Variants in ASTN2 observed in about 807,000 individuals in gnomAD.
ASTN2 encodes astrotactin-2.
In ASTN2, 54 loss-of-function variants were observed where a neutral mutation model predicts 139.8. The ratio of observed to expected loss-of-function variants is 0.39; its 90% CI spans 0.31 to 0.48. ASTN2 has a LOEUF of 0.48. ASTN2 is among the 20% of genes least tolerant of loss of function. The pLI is 0.95. For synonymous variants in ASTN2, 756 were observed against 719.5 expected, an observed-to-expected ratio of 1.05 and a Z score of -0.81; for missense variants, 1,565 against 1,725.1, an observed-to-expected ratio of 0.91 and a Z score of 1.64.
At chr9:117,282,300 T>C (rs1029820841) in intron 2 of ASTN2, among the ~76,000 whole-genome samples, 1 of 152,232 alleles carries the variant, frequency 6.6e-6, no homozygotes, top group African/African-American at 2.4e-5. Context: ...ATATTATATA[T>C]ACATAGCTAT....
At position 117,018,436 on chromosome 9, in the gene ASTN2, T is replaced by A. The variant is rs558330801; in HGVS notation, c.1424-10177A>T. On this transcript the variant is annotated intron_variant, in intron 6 of 22. Coordinates refer to ENST00000313400, the MANE Select transcript of ASTN2 (RefSeq NM_001365068.1). ...ACCATATTAGCAATTCTTCCCCAAATCTCTTTCATTACTACACTGTGGGTT... is the reference window on the plus strand; with the variant it reads ...ACCATATTAGCAATTCTTCCCCAAAACTCTTTCATTACTACACTGTGGGTT... Among the ~76,000 whole-genome samples, 48 of 80,300 alleles carry A rather than the reference T, an allele frequency of 6.0e-4. No individual in the cohort carries two copies. The Admixed American group carries it at 7.1e-3, about 12-fold the overall frequency. The allele number at this position is 80,300 out of a possible 152,430, so 52.7% of individuals were successfully genotyped here.
chr9:117,063,066 A>G (rs1329775708), intron 5 of ASTN2, among the ~76,000 whole-genome samples: 1 of 152,204 alleles, frequency 6.6e-6, no homozygotes, highest in Non-Finnish European at 1.5e-5. Context: ...CAGATTAAGG[A>G]CAACTTTTTC....
At chr9:116,787,414 T>A (rs1415831481) in intron 13 of ASTN2, among the ~76,000 whole-genome samples, 7 of 152,228 alleles carry the variant, frequency 4.6e-5, no homozygotes, top group Non-Finnish European at 1.0e-4. Flanking sequence ...ACGTGGGAGC[T>A]ATTTCTTTGA....
intron 19 of ASTN2, among the ~76,000 whole-genome samples, chr9:116,576,319 T>C (rs1307031096): frequency 1.3e-5 from 2 of 152,196 alleles, no homozygotes; most frequent in African/African-American, 2.4e-5. Flanking sequence ...ATCCCTATTA[T>C]ACATGCAAGA....
chr9:117,280,700 G>T (rs930565098), intron 2 of ASTN2, among the ~76,000 whole-genome samples: 1 of 152,154 alleles, frequency 6.6e-6, no homozygotes, highest in Non-Finnish European at 1.5e-5. Flanking sequence ...ATAAATTTCT[G>T]TTGTCTTAAG....
At chr9:116,817,100 C>A (rs1831351417) in intron 12 of ASTN2, among the ~76,000 whole-genome samples, 2 of 152,014 alleles carry the variant, frequency 1.3e-5, no homozygotes, top group South Asian at 2.1e-4. Context: ...CGAGACCATT[C>A]TAGCTAACAC....
chr9:117,110,542 T>C (rs1033995406), intron 4 of ASTN2, among the ~76,000 whole-genome samples: 4 of 152,148 alleles, frequency 2.6e-5, no homozygotes, highest in African/African-American at 9.7e-5. Flanking sequence ...GTTAACAAAA[T>C]GATTAATATC....
intron 19 of ASTN2, chr9:116,540,422 A>G (rs935023621): frequency 2.0e-5 from 3 of 152,174 alleles, no homozygotes; most frequent in African/African-American, 7.2e-5. Context: ...TCACTTCTTA[A>G]TCCTCTCTGA....
At chr9:116,754,112 T>C (rs1829475635) in intron 13 of ASTN2, among the ~76,000 whole-genome samples, 1 of 152,062 alleles carries the variant, frequency 6.6e-6, no homozygotes, top group Non-Finnish European at 1.5e-5. Flanking sequence ...GTTTCCAGCT[T>C]CATCCGTGTC....
intron 3 of ASTN2, among the ~76,000 whole-genome samples, chr9:117,190,620 C>G (rs1195869080): frequency 6.6e-6 from 1 of 152,132 alleles, no homozygotes; most frequent in East Asian, 1.9e-4. Flanking sequence ...GCTACTCCTC[C>G]CTATTCCTCT....
chr9:116,793,001 G>A (rs994862402), intron 13 of ASTN2, among the ~76,000 whole-genome samples: 1 of 151,994 alleles, frequency 6.6e-6, no homozygotes, highest in Non-Finnish European at 1.5e-5. Context: ...TGGGTACTAT[G>A]CTCAGCACAT....
At chr9:116,810,941 T>C in intron 12 of ASTN2, among the ~76,000 whole-genome samples, 1 of 152,296 alleles carries the variant, frequency 6.6e-6, no homozygotes, top group African/African-American at 2.4e-5. Flanking sequence ...TTTCTAACAT[T>C]ATAATGTATT....
intron 4 of ASTN2, among the ~76,000 whole-genome samples, chr9:117,119,986 T>TTGTGTGTGTGTGTGTGTG (rs1321670412): frequency 1.3e-5 from 1 of 79,916 alleles, no homozygotes; most frequent in Admixed American, 1.4e-4. Context: ...CTCTATATAT[T>TTGTGTGTGTGTGTGTGTG]TGTATGTGTG....
intron 3 of ASTN2, among the ~76,000 whole-genome samples, chr9:117,186,815 T>C (rs553493961): frequency 1.3e-5 from 2 of 152,156 alleles, no homozygotes; most frequent in African/African-American, 4.8e-5. Context: ...ATAATACTTA[T>C]AATGGGTCAA....
intron 4 of ASTN2, 111 bp downstream of exon 4, chr9:117,141,214 CA>C: frequency 8.7e-7 from 1 of 1,151,972 alleles, no homozygotes; most frequent in Non-Finnish European, 1.1e-6. Context: ...GAAAGTGGCA[CA>C]AGTTTTATGA....
intron 13 of ASTN2, among the ~76,000 whole-genome samples, chr9:116,782,184 C>T (rs1055323262): frequency 6.6e-6 from 1 of 152,142 alleles, no homozygotes; most frequent in Non-Finnish European, 1.5e-5. Flanking sequence ...ACTCAAAGAT[C>T]ACTCTCTAGC....
At chr9:117,379,385 A>C (rs1830206789) in intron 1 of ASTN2, among the ~76,000 whole-genome samples, 1 of 152,130 alleles carries the variant, frequency 6.6e-6, no homozygotes, top group African/African-American at 2.4e-5. Flanking sequence ...CTCAGGGAGA[A>C]CTAGCCCCAG....
At chr9:117,274,915 G>A (rs1485416563) in intron 2 of ASTN2, among the ~76,000 whole-genome samples, 1 of 152,184 alleles carries the variant, frequency 6.6e-6, no homozygotes, top group Non-Finnish European at 1.5e-5. Context: ...TCACGTTAGG[G>A]GTTGAGCTTC....
Position 116,514,473 on chromosome 9 carries a change from G to T in ASTN2, c.3356-26973C>A, listed in dbSNP as rs550872629. Among the ~76,000 whole-genome samples, 4 of 152,302 alleles carry T rather than the reference G, an allele frequency of 2.6e-5. No homozygotes were observed. The East Asian group carries it at 7.7e-4, about 29-fold the overall frequency. ...AGGGACCCACTTGAGGAGGCAGTCTGTCTCAACTTTCTCAGATCTCAAACT... is the reference window on the plus strand; with the variant it reads ...AGGGACCCACTTGAGGAGGCAGTCTTTCTCAACTTTCTCAGATCTCAAACT... On this transcript the variant is annotated intron_variant, in intron 19 of 22. Coordinates refer to ENST00000313400, the MANE Select transcript of ASTN2 (RefSeq NM_001365068.1).
Sources: allele counts gnomAD v4.1 joint callset (sites outside exome capture counted in the v4.1 genomes callset), GRCh38; gene constraint gnomAD v4.1.1; transcripts MANE v1.5; gene names NCBI Gene and HGNC (gene_info 2026-07-23, HGNC 2026-07-21).